The following DLC1 variants were observed in gnomAD, a reference collection of about 807,000 sequenced individuals.
The protein encoded by DLC1 is DLC1 Rho GTPase activating protein.
In DLC1, 54 loss-of-function variants were observed where a neutral mutation model predicts 140.3. The ratio of observed to expected loss-of-function variants is 0.38; its 90% CI spans 0.31 to 0.48. DLC1 has a LOEUF of 0.48. Ranked by LOEUF, DLC1 falls within the 20% of genes least tolerant of loss-of-function variation. The probability of loss-of-function intolerance (pLI) is 0.96; values close to 1 mark genes in which losing one functional copy is unlikely to be tolerated. For missense variants in DLC1, 2,536 were observed against 1,907.0 expected (o/e 1.33, Z -6.14); for synonymous variants, 986 against 728.1 (o/e 1.35, Z -5.70).
chr8:13,585,010 C>G (rs145605540), intron 1 of DLC1, among the ~76,000 whole-genome samples: 1,684 of 152,262 alleles, frequency 0.011, 30 homozygotes, highest in African/African-American at 0.038. Context: ...CATTTATTCA[C>G]TCAATAAAGA....
intron 2 of DLC1, among the ~76,000 whole-genome samples, chr8:13,427,479 A>G (rs1838646536): frequency 6.6e-6 from 1 of 152,170 alleles, no homozygotes; most frequent in Non-Finnish European, 1.5e-5. Flanking sequence ...ACATTTTCTT[A>G]ACATAGATGA....
intron 5 of DLC1, among the ~76,000 whole-genome samples, chr8:13,183,587 T>C (rs1826165831): frequency 1.3e-5 from 2 of 152,242 alleles, no homozygotes; most frequent in African/African-American, 2.4e-5. Context: ...GTGGTTTTTT[T>C]CATTGGTTCT....
intron 2 of DLC1, among the ~76,000 whole-genome samples, chr8:13,445,249 C>A (rs1316471565): frequency 6.6e-6 from 1 of 152,052 alleles, no homozygotes; most frequent in South Asian, 2.1e-4. Context: ...GGGCAGTTGG[C>A]CACAGATGGC....
chr8:13,132,878 G>T, intron 5 of DLC1: 1 of 1,541,814 alleles, frequency 6.5e-7, no homozygotes, highest in Non-Finnish European at 8.8e-7. Context: ...ACACTTTCTC[G>T]CGGCGGGTCC....
intron 2 of DLC1, among the ~76,000 whole-genome samples, chr8:13,462,590 T>C (rs751023432): frequency 6.6e-6 from 1 of 151,948 alleles, no homozygotes; most frequent in Non-Finnish European, 1.5e-5. Flanking sequence ...TATTTTTCAG[T>C]AGAGACAGGG....
intron 2 of DLC1, among the ~76,000 whole-genome samples, chr8:13,476,399 C>A (rs1011848878): frequency 6.6e-6 from 1 of 151,676 alleles, no homozygotes; most frequent in Non-Finnish European, 1.5e-5. Context: ...TTTTCTTATG[C>A]CCTTAAGAAG....
chr8:13,414,842 G>A (rs533181201), intron 2 of DLC1, among the ~76,000 whole-genome samples: 10 of 152,160 alleles, frequency 6.6e-5, no homozygotes, highest in African/African-American at 1.9e-4. Flanking sequence ...ACAGAGTCTT[G>A]TTCTGTCACC....
At chr8:13,440,406 C>T (rs149265471) in intron 2 of DLC1, among the ~76,000 whole-genome samples, 46 of 152,176 alleles carry the variant, frequency 3.0e-4, no homozygotes, top group Middle Eastern at 3.4e-3. Flanking sequence ...ATAGAGTTTG[C>T]GTATAAAAAT....
intron 2 of DLC1, among the ~76,000 whole-genome samples, chr8:13,418,555 T>C (rs1369183499): frequency 1.3e-5 from 2 of 152,184 alleles, no homozygotes; most frequent in Admixed American, 6.5e-5. Flanking sequence ...GAGGGCTCTG[T>C]TGTGTTCCAT....
At chr8:13,443,090 A>C (rs1177215555) in intron 2 of DLC1, among the ~76,000 whole-genome samples, 2 of 151,918 alleles carry the variant, frequency 1.3e-5, no homozygotes. Context: ...CATTCTCAGC[A>C]AACTATCTCA....
At chr8:13,251,833 A>G (rs1422102285) in intron 5 of DLC1, among the ~76,000 whole-genome samples, 1 of 152,198 alleles carries the variant, frequency 6.6e-6, no homozygotes, top group Non-Finnish European at 1.5e-5. Flanking sequence ...CACTATACAA[A>G]TATAAGCTAT....
intron 2 of DLC1, among the ~76,000 whole-genome samples, chr8:13,420,310 T>G (rs1838257123): frequency 6.6e-6 from 1 of 152,116 alleles, no homozygotes; most frequent in South Asian, 2.1e-4. Flanking sequence ...GTCCTCATAA[T>G]AGCATGAAAG....
intron 4 of DLC1, among the ~76,000 whole-genome samples, chr8:13,365,634 G>A (rs1166948120): frequency 2.0e-5 from 3 of 152,128 alleles, no homozygotes; most frequent in Non-Finnish European, 2.9e-5. Context: ...ACCACTGAGC[G>A]AGCCGTGGTG....
intron 2 of DLC1, among the ~76,000 whole-genome samples, chr8:13,486,168 G>T (rs189707505): frequency 6.6e-6 from 1 of 152,158 alleles, no homozygotes; most frequent in East Asian, 1.9e-4. Context: ...CAGAATAACC[G>T]AATGAAATGA....
rs750480215 is a variant in DLC1 at position 13,099,339 on chromosome 8, G to C, written c.2990+8C>G. On this transcript the variant is annotated splice_region_variant and intron_variant, in intron 9 of 17. Coordinates refer to ENST00000276297, the MANE Select transcript of DLC1 (RefSeq NM_182643.3). Reference sequence around the variant, plus strand: ...CCCCACACCCGGAGGCAGGAGAAAAGTTCTTACCTGTTGGACCTGGTTAGG... The same window carrying C: ...CCCCACACCCGGAGGCAGGAGAAAACTTCTTACCTGTTGGACCTGGTTAGG... 1.2e-6 allele frequency: 2 copies of C among 1,610,986 alleles called. No individual in the cohort carries two copies. The highest frequency in any genetic ancestry group is 1.1e-5 in the South Asian group (1 of 90,560).
intron 2 of DLC1, among the ~76,000 whole-genome samples, chr8:13,420,626 A>C (rs148654953): frequency 8.6e-5 from 13 of 151,686 alleles, no homozygotes; most frequent in Non-Finnish European, 1.5e-4. Flanking sequence ...TCATTGTTCA[A>C]CTCTCACTTA....
chr8:13,586,117 C>G (rs7832718), intron 1 of DLC1, among the ~76,000 whole-genome samples: 21,536 of 152,054 alleles, frequency 0.14, 1,874 homozygotes, highest in African/African-American at 0.24. Context: ...GCTCTCTCTG[C>G]TAATTGTCCT....
intron 1 of DLC1, among the ~76,000 whole-genome samples, chr8:13,532,903 A>T (rs1184342912): frequency 6.6e-6 from 1 of 152,192 alleles, no homozygotes; most frequent in African/African-American, 2.4e-5. Context: ...TATTCCAATG[A>T]TATAAGTTAA....
At chr8:13,528,578 C>A (rs532446527) in intron 1 of DLC1, among the ~76,000 whole-genome samples, 2 of 152,094 alleles carry the variant, frequency 1.3e-5, no homozygotes, top group African/African-American at 2.4e-5. Flanking sequence ...ATTTCCTCTA[C>A]TTATATTAGT....
Sources: gnomAD v4.1 joint callset for allele counts (sites outside exome capture counted in the v4.1 genomes callset) on GRCh38, gnomAD v4.1.1 for gene constraint, MANE v1.5 for transcripts, NCBI Gene and HGNC (gene_info 2026-07-23, HGNC 2026-07-21) for gene names.